Variants in BOD1L1 observed in about 807,000 individuals in gnomAD.
The protein encoded by BOD1L1 is biorientation of chromosomes in cell division protein 1-like 1.
In BOD1L1, 86 loss-of-function variants were observed where a neutral mutation model predicts 240.7. That is an observed-to-expected ratio of 0.36 (90% CI 0.30 to 0.43). BOD1L1 has a LOEUF of 0.43. Among genes scored for constraint, BOD1L1 ranks in the 20% least tolerant of loss-of-function variants. The pLI, the probability that BOD1L1 is intolerant of heterozygous loss-of-function variation, is 1.00. For synonymous variants in BOD1L1, 1,268 were observed against 1,272.3 expected (o/e 1.00, Z 0.07); for missense variants, 3,554 against 3,643.5 (o/e 0.98, Z 0.63).
At chr4:13,605,160 T>A in intron 9 of BOD1L1, 76 bp from the exon 10 acceptor site, 1 of 1,280,508 alleles carries the variant, frequency 7.8e-7, no homozygotes, top group Non-Finnish European at 1.0e-6. Flanking sequence ...TTTGGGTGGA[T>A]TTAATATGTT....
rs144103032 is a variant in BOD1L1, at chr4:13,599,744, A to G, written c.7156T>C (p.Cys2386Arg). ...TTGCCTCCCCTGACTGGCCCAGGACACCGACAGTTATTCTCAGCAATTAGG... is the reference window on the plus strand; with the variant it reads ...TTGCCTCCCCTGACTGGCCCAGGACGCCGACAGTTATTCTCAGCAATTAGG... Reference protein sequence around the residue: ...PSLIAENNCRCPGPVRGGKEP... With the variant: ...PSLIAENNCRRPGPVRGGKEP... Residue 2386 changes from cysteine to arginine, a missense_variant, in exon 10 of 26, where the codon TGT (cysteine) becomes CGT (arginine). By Grantham distance (180) the Cys-to-Arg change is radical (BLOSUM62 -3). Transcript: ENST00000040738. The G allele has an allele frequency of 4.6e-5, 74 of 1,613,774 alleles. No homozygotes were observed. The African/African-American group carries it at 7.2e-4, about 16-fold the overall frequency.
chr4:13,606,307 T>C (rs981897468), intron 9 of BOD1L1, among the ~76,000 whole-genome samples: 1 of 152,200 alleles, frequency 6.6e-6, no homozygotes, highest in African/African-American at 2.4e-5. Flanking sequence ...AAATATGTCA[T>C]TAAGCCATCA....
In BOD1L1 at chr4:13,586,310, A is replaced by AAAAT. The variant is rs758488242; in HGVS notation, c.8433+82_8433+85dup. ...TTTAAAGAGGGATAGTAAAATGAAA[A>AAAAT]AAATATTATACTAAGTATTTACAAT... On this transcript the variant is annotated intron_variant, in intron 17 of 25. Coordinates refer to ENST00000040738, the MANE Select transcript of BOD1L1 (RefSeq NM_148894.3). The AAAAT allele has an allele frequency of 9.3e-5, 61 of 653,224 alleles. 1 individual carries two copies. In the Middle Eastern group the frequency reaches 1.0e-3, roughly 11 times the overall value. The allele number at this position is 653,224 out of a possible 1,614,324, so 40.5% of individuals were successfully genotyped here. A position where few individuals can be genotyped will look rare whatever the true frequency, so the allele number is the denominator to read the frequency against.
intron 8 of BOD1L1, 36 bp downstream of exon 8, chr4:13,608,494 T>G: frequency 6.9e-7 from 1 of 1,454,426 alleles, no homozygotes; most frequent in East Asian, 2.6e-5. Context: ...CCCAGGGGAG[T>G]GTTATAAGGG....
At position 13,603,319 on chromosome 4, in the gene BOD1L1, T is replaced by C; in HGVS notation, c.3581A>G (p.Glu1194Gly). The C allele has an allele frequency of 6.2e-7, 1 of 1,614,048 alleles. No individual in the cohort carries two copies. Among genetic ancestry groups the C allele is most frequent in the African/African-American group, 1.3e-5 (1 of 75,070 alleles). Residue 1194 changes from glutamate (E) to glycine (G), a missense_variant, in exon 10 of 26, where the codon GAA becomes GGA. By Grantham distance (98) the Glu-to-Gly change is moderately conservative. Transcript: ENST00000040738. ...GGTGCTTCTATGATCGGCATGCTTT[T>C]CAGAATTACTATTAACTCCTGTTCC... is the stretch of plus-strand genomic sequence containing the variant. The part of the protein sequence containing the change: ...GRGTGVNSNS[E>G]KHADHRSTLT...
At chr4:13,591,295 T>C (rs1207180181) in intron 13 of BOD1L1, among the ~76,000 whole-genome samples, 1 of 152,158 alleles carries the variant, frequency 6.6e-6, no homozygotes, top group East Asian at 1.9e-4. Flanking sequence ...TATGAGTTTC[T>C]AGCTACAAAA....
Position 13,627,536 on chromosome 4 carries a change from G to C in BOD1L1, c.52C>G (p.Pro18Ala). The change falls in exon 1 of 26, where the codon CCG (proline) becomes GCG (alanine). Residue 18 changes from proline to alanine, a missense_variant. By Grantham distance (27) the Pro-to-Ala change is conservative (BLOSUM62 -1). Coordinates refer to ENST00000040738, the MANE Select transcript of BOD1L1 (RefSeq NM_148894.3). ...QPPPPAPPPP[P>A]PQPQPQPPPP... ...GGTGGCTGCGGCTGCGGCTGCGGCGGGGGAGGCGGCGGCGCCGGAGGAGGC... is the reference window on the plus strand; with the variant it reads ...GGTGGCTGCGGCTGCGGCTGCGGCGCGGGAGGCGGCGGCGCCGGAGGAGGC... 8.9e-7 allele frequency: 1 copy of C among 1,122,584 alleles called. No individual in the cohort carries two copies. The highest frequency in any genetic ancestry group is 1.1e-6 in the Non-Finnish European group (1 of 917,912). 69.5% of individuals were successfully genotyped at this position (1,122,584 alleles called of 1,614,324 possible).
intron 1 of BOD1L1, chr4:13,624,038 T>C (rs77289918): frequency 6.6e-6 from 1 of 151,814 alleles, no homozygotes; most frequent in African/African-American, 2.4e-5. Context: ...TTTTTTTTTT[T>C]CAAATAAGAA....
Position 13,601,779 on chromosome 4 carries a change from C to T in BOD1L1, c.5121G>A (p.Val1707=), listed in dbSNP as rs774516893. Residue 1707 remains valine, a synonymous_variant, in exon 10 of 26, where the codon GTG becomes GTA. Transcript: ENST00000040738. ...TCATCATATTTCCCTGGGAGCCATC[C>T]ACCTCTTCACTGCTTATAGATCCTG... ...IRAGSISSEE[V]DGSQGNMMRM... 3 of 1,613,840 alleles carry T rather than the reference C, an allele frequency of 1.9e-6. No homozygotes were observed. In the Admixed American group the frequency reaches 5.0e-5, roughly 27 times the overall value.
In BOD1L1 at chr4:13,600,395, G is replaced by C; in HGVS notation, c.6505C>G (p.Gln2169Glu). 1 of 1,613,932 alleles carries C rather than the reference G, an allele frequency of 6.2e-7. No homozygotes were observed. Among genetic ancestry groups the C allele is most frequent in the Non-Finnish European group, 8.5e-7 (1 of 1,179,878 alleles). The change falls in exon 10 of 26, where the codon CAG becomes GAG. Residue 2169 changes from glutamine to glutamate, a missense_variant. Gln to Glu is a conservative substitution (Grantham distance 29, BLOSUM62 2). Coordinates refer to ENST00000040738, the MANE Select transcript of BOD1L1 (RefSeq NM_148894.3). ...TCTTCCACTGCTGCAGCAACCGGCT[G>C]AAGACTTTCAGCACACTTGATGGTT... ...ATTIKCAESLQPVAAAVEERA... is the reference protein window; with the variant it reads ...ATTIKCAESLEPVAAAVEERA...
intron 22 of BOD1L1, among the ~76,000 whole-genome samples, chr4:13,579,547 C>T (rs1713050937): frequency 6.6e-6 from 1 of 152,134 alleles, no homozygotes; most frequent in Non-Finnish European, 1.5e-5. Flanking sequence ...AATGGCACCT[C>T]TTGTTTTATG....
intron 16 of BOD1L1, among the ~76,000 whole-genome samples, chr4:13,586,700 A>G (rs377084233): frequency 9.2e-5 from 14 of 152,346 alleles, no homozygotes; most frequent in East Asian, 5.8e-4. Context: ...CCATATGTTC[A>G]CATGACACCA....
intron 17 of BOD1L1, among the ~76,000 whole-genome samples, 173 bp from the exon 18 acceptor site, chr4:13,582,909 A>T (rs1010397646): frequency 1.3e-5 from 2 of 151,982 alleles, no homozygotes; most frequent in Non-Finnish European, 2.9e-5. Flanking sequence ...GTGAGACCAT[A>T]AAAAAAATAA....
In BOD1L1 at chr4:13,599,570, A is replaced by T. The variant is rs1210463268; in HGVS notation, c.7330T>A (p.Phe2444Ile). The T allele has an allele frequency of 6.2e-7, 1 of 1,613,788 alleles. No individual in the cohort carries two copies. The highest frequency in any genetic ancestry group is 1.3e-5 in the African/African-American group (1 of 74,876). Residue 2444 changes from phenylalanine to isoleucine, a missense_variant, in exon 10 of 26, where the codon TTT (phenylalanine) becomes ATT (isoleucine). Phe to Ile is a conservative substitution (Grantham distance 21). Coordinates refer to ENST00000040738, the MANE Select transcript of BOD1L1 (RefSeq NM_148894.3). ...CTCTCTTTCTGTCCTCTTCCTGCAAATGGTCCTATTTCGGGGCACTCCTTG... is the reference window on the plus strand; with the variant it reads ...CTCTCTTTCTGTCCTCTTCCTGCAATTGGTCCTATTTCGGGGCACTCCTTG... ...HGKECPEIGP[F>I]AGRGQKESTL... is the part of the protein sequence containing the mutation.
At chr4:13,577,684 T>G (rs1301612490) in intron 22 of BOD1L1, 53 bp from the exon 23 acceptor site, 51 of 1,352,402 alleles carry the variant, frequency 3.8e-5, no homozygotes, top group Non-Finnish European at 4.9e-5. Flanking sequence ...TAAATTTAAA[T>G]TTCAACAATC....
intron 2 of BOD1L1, among the ~76,000 whole-genome samples, chr4:13,616,801 C>G (rs1167129369): frequency 6.6e-6 from 1 of 151,960 alleles, no homozygotes. Context: ...TGAGCCAACT[C>G]AGCACAAAGT....
chr4:13,569,645 A>G lies in BOD1L1; in HGVS notation c.*366T>C, dbSNP rs1348473806. Reference sequence around the variant, plus strand: ...AGAGTAAAATACAACCTATTTTTACATGTTTATATACTATACACAGATTAC... The same window carrying G: ...AGAGTAAAATACAACCTATTTTTACGTGTTTATATACTATACACAGATTAC... On this transcript the variant is annotated 3_prime_UTR_variant, in exon 26 of 26. Coordinates refer to ENST00000040738, the MANE Select transcript of BOD1L1 (RefSeq NM_148894.3). 2 of 158,230 alleles carry G rather than the reference A, an allele frequency of 1.3e-5. No homozygotes were observed. The highest frequency in any genetic ancestry group is 2.0e-4 in the South Asian group (1 of 4,898). 9.8% of individuals were successfully genotyped at this position (158,230 alleles called of 1,614,324 possible).
chr4:13,591,518 C>T (rs1388338965), intron 13 of BOD1L1, among the ~76,000 whole-genome samples: 1 of 152,076 alleles, frequency 6.6e-6, no homozygotes, highest in East Asian at 1.9e-4. Flanking sequence ...TTATGAGAGC[C>T]ACATCTGGGA....
intron 25 of BOD1L1, among the ~76,000 whole-genome samples, chr4:13,573,878 T>C (rs1577304582): frequency 6.6e-6 from 1 of 152,174 alleles, no homozygotes; most frequent in Admixed American, 6.5e-5. Flanking sequence ...GGTCTTGCTA[T>C]GTTGCTTAGG....
Sources: allele counts gnomAD v4.1 joint callset (sites outside exome capture counted in the v4.1 genomes callset), GRCh38; gene constraint gnomAD v4.1.1; transcripts MANE v1.5; gene names NCBI Gene and HGNC (gene_info 2026-07-23, HGNC 2026-07-21).